Variants in NUDT9 observed in about 807,000 individuals in gnomAD.
NUDT9 encodes nudix hydrolase 9.
A neutral mutation model predicts 41.0 loss-of-function variants in NUDT9; 31 were observed. The observed-to-expected ratio is 0.76, with a 90% CI of 0.57 to 1.02. NUDT9 has a LOEUF of 1.02. NUDT9 is among the 50% of genes least tolerant of loss of function. The probability of loss-of-function intolerance (pLI) is 0.00; values close to 1 mark genes in which losing one functional copy is unlikely to be tolerated. For synonymous variants in NUDT9, 146 were observed against 147.6 expected (o/e 0.99, Z 0.08); for missense variants, 380 against 431.4 (o/e 0.88, Z 1.06).
intron 1 of NUDT9, among the ~76,000 whole-genome samples, chr4:87,427,433 G>T (rs1391993654): frequency 6.6e-6 from 1 of 152,206 alleles, no homozygotes; most frequent in East Asian, 1.9e-4. Context: ...GGTCAAGGCT[G>T]TATATGTGTG....
In NUDT9 at chr4:87,458,014, C is replaced by T. The variant is rs765417785; in HGVS notation, c.1046C>T (p.Ala349Val). 15 of 1,531,670 alleles carry T rather than the reference C, an allele frequency of 9.8e-6. No individual in the cohort carries two copies. Among genetic ancestry groups the T allele is most frequent in the South Asian group, 1.3e-5 (1 of 77,318 alleles). 94.9% of individuals were successfully genotyped at this position (1,531,670 alleles called of 1,614,324 possible). ...GAGGACTCTGAAGCTGACTGCCATG[C>T]GTTGTAGCTGATGGTCTCCGTGTAA... is the stretch of plus-strand genomic sequence containing the variant. ...WSEDSEADCH[A>V]L The change falls in exon 8 of 8, where the codon GCG becomes GTG. Residue 349 changes from alanine to valine, a missense_variant. Ala to Val is a moderately conservative substitution (Grantham distance 64). Coordinates refer to ENST00000302174, the MANE Select transcript of NUDT9 (RefSeq NM_024047.5).
At chr4:87,442,752 G>T (rs1722269667) in intron 4 of NUDT9, among the ~76,000 whole-genome samples, 1 of 152,010 alleles carries the variant, frequency 6.6e-6, no homozygotes, top group Non-Finnish European at 1.5e-5. Flanking sequence ...ACACACATTA[G>T]CCTATGGCTA....
chr4:87,452,112 C>T (rs1255009468), intron 6 of NUDT9, among the ~76,000 whole-genome samples: 1 of 151,854 alleles, frequency 6.6e-6, no homozygotes. Context: ...AAGCAATTCT[C>T]CTGCCTCAGC....
intron 4 of NUDT9, among the ~76,000 whole-genome samples, chr4:87,446,806 A>G (rs1221657976): frequency 3.9e-5 from 6 of 152,216 alleles, no homozygotes; most frequent in African/African-American, 1.2e-4. Context: ...AGTGTTTTAT[A>G]TATATATAAT....
chr4:87,458,128 T>C lies in NUDT9; in HGVS notation c.*107T>C. On this transcript the variant is annotated 3_prime_UTR_variant, in exon 8 of 8. Coordinates refer to ENST00000302174, the MANE Select transcript of NUDT9 (RefSeq NM_024047.5). ...AAAGGGCAGGGTAGGCCACTTGGCC[T>C]ATTTACTTTCAAAACAATTTGCATT... 9.8e-7 allele frequency: 1 copy of C among 1,016,098 alleles called. No individual in the cohort carries two copies. 62.9% of individuals were successfully genotyped at this position (1,016,098 alleles called of 1,614,324 possible).
intron 2 of NUDT9, among the ~76,000 whole-genome samples, chr4:87,436,880 T>C (rs1578070308): frequency 6.6e-6 from 1 of 152,304 alleles, no homozygotes; most frequent in African/African-American, 2.4e-5. Context: ...ATGTAACTCT[T>C]TATTCACTGT....
At chr4:87,434,413 G>A (rs1156597608) in intron 1 of NUDT9, 2 of 120,776 alleles carry the variant, frequency 1.7e-5, no homozygotes, top group African/African-American at 6.3e-5. Context: ...ACACAAGTAA[G>A]TTTGTGTCCT....
At chr4:87,448,297 A>T (rs1474546774) in intron 4 of NUDT9, among the ~76,000 whole-genome samples, 2 of 151,746 alleles carry the variant, frequency 1.3e-5, no homozygotes, top group Non-Finnish European at 2.9e-5. Flanking sequence ...GGCACCCATC[A>T]TCATGCCTAG....
In NUDT9 at chr4:87,454,374, T is replaced by C. The variant is rs200095845; in HGVS notation, c.793T>C (p.Tyr265His). ...ATTTGTCTTCTTTTGAAAATAGATA[T>C]ATAAGGGATATGTTGATGATCCTCG... ...KLFSQDHLVI[Y>H]KGYVDDPRNT... The change falls in exon 7 of 8, where the codon TAT becomes CAT. Residue 265 changes from tyrosine to histidine, a missense_variant. Coordinates refer to ENST00000302174, the MANE Select transcript of NUDT9 (RefSeq NM_024047.5). 11 of 1,600,042 alleles carry C rather than the reference T, an allele frequency of 6.9e-6. No homozygotes were observed. In the East Asian group the frequency reaches 2.0e-4, roughly 29 times the overall value.
chr4:87,426,572 G>C (rs1387040541), intron 1 of NUDT9, among the ~76,000 whole-genome samples: 1 of 151,918 alleles, frequency 6.6e-6, no homozygotes, highest in Non-Finnish European at 1.5e-5. Flanking sequence ...ACCATGCCTA[G>C]CTAATTTTTT....
chr4:87,437,734 A>G (rs750930233), intron 2 of NUDT9, among the ~76,000 whole-genome samples: 4 of 152,232 alleles, frequency 2.6e-5, no homozygotes, highest in Non-Finnish European at 5.9e-5. Flanking sequence ...ATCAAGATCT[A>G]GAACATTTCC....
intron 1 of NUDT9, among the ~76,000 whole-genome samples, chr4:87,427,831 AG>A (rs1721500929): frequency 6.6e-6 from 1 of 152,206 alleles, no homozygotes; most frequent in Non-Finnish European, 1.5e-5. Flanking sequence ...ATTAGAGATT[AG>A]GGTTCCATAT....
intron 1 of NUDT9, among the ~76,000 whole-genome samples, chr4:87,434,074 A>C (rs1283312232): frequency 6.6e-6 from 1 of 152,176 alleles, no homozygotes; most frequent in African/African-American, 2.4e-5. Context: ...ATATTTTTTG[A>C]GATGGAGTCT....
intron 1 of NUDT9, among the ~76,000 whole-genome samples, chr4:87,423,956 T>C (rs1425422144): frequency 6.6e-6 from 1 of 152,194 alleles, no homozygotes; most frequent in Non-Finnish European, 1.5e-5. Flanking sequence ...TGAGTATAGC[T>C]GTTTATTTCC....
At chr4:87,432,290 AC>A (rs1721721879) in intron 1 of NUDT9, among the ~76,000 whole-genome samples, 1 of 152,190 alleles carries the variant, frequency 6.6e-6, no homozygotes, top group Non-Finnish European at 1.5e-5. Context: ...GCCTGGAGAT[AC>A]TTTTATACAG....
chr4:87,426,295 A>G (rs989994786), intron 1 of NUDT9, among the ~76,000 whole-genome samples: 1 of 152,226 alleles, frequency 6.6e-6, no homozygotes, highest in Non-Finnish European at 1.5e-5. Flanking sequence ...ATAGTAAAAC[A>G]TAGTGTTAAG....
intron 6 of NUDT9, 137 bp from the exon 7 acceptor site, chr4:87,454,234 A>G: frequency 1.8e-6 from 1 of 548,768 alleles, no homozygotes; most frequent in African/African-American, 1.9e-5. Context: ...TGTTGAAGGT[A>G]CAGCTCAGTA....
chr4:87,458,098 T>C lies in NUDT9; in HGVS notation c.*77T>C. ...GAAGGCAGTATCACAGAATTTATAC[T>C]ATAAAAAGGGCAGGGTAGGCCACTT... On this transcript the variant is annotated 3_prime_UTR_variant, in exon 8 of 8. Transcript: ENST00000302174. 7.3e-7 allele frequency: 1 copy of C among 1,363,098 alleles called. No individual in the cohort carries two copies. Among genetic ancestry groups the C allele is most frequent in the Non-Finnish European group, 9.6e-7 (1 of 1,039,742 alleles). 84.4% of individuals were successfully genotyped at this position (1,363,098 alleles called of 1,614,324 possible). A position where few individuals can be genotyped will look rare whatever the true frequency, so the allele number is the denominator to read the frequency against.
intron 5 of NUDT9, 98 bp from the exon 6 acceptor site, chr4:87,451,491 C>A: frequency 1.1e-6 from 1 of 910,958 alleles, no homozygotes; most frequent in Non-Finnish European, 1.7e-6. Flanking sequence ...CTATTATAGG[C>A]AGATTGAATA....
Sources: gnomAD v4.1 joint callset for allele counts (sites outside exome capture counted in the v4.1 genomes callset) on GRCh38, gnomAD v4.1.1 for gene constraint, MANE v1.5 for transcripts, NCBI Gene and HGNC (gene_info 2026-07-23, HGNC 2026-07-21) for gene names.